Variants in ODAD2 observed in about 807,000 individuals in gnomAD.
The protein encoded by ODAD2 is outer dynein arm docking complex subunit 2.
A neutral mutation model predicts 106.8 loss-of-function variants in ODAD2; 89 were observed. That is an observed-to-expected ratio of 0.83 (90% CI 0.70 to 0.99). ODAD2 has a LOEUF of 0.99. Ranked by LOEUF, ODAD2 falls within the 50% of genes least tolerant of loss-of-function variation. The pLI, the probability that ODAD2 is intolerant of heterozygous loss-of-function variation, is 0.00. For missense variants in ODAD2, 1,168 were observed against 1,238.5 expected (o/e 0.94, Z 0.85); for synonymous variants, 404 against 436.2 (o/e 0.93, Z 0.92).
chr10:27,820,936 C>G (rs954673912), intron 19 of ODAD2, among the ~76,000 whole-genome samples: 1 of 152,030 alleles, frequency 6.6e-6, no homozygotes, highest in African/African-American at 2.4e-5. Context: ...CATGCGCCAC[C>G]ACACCGGCTA....
chr10:27,930,333 G>T lies in ODAD2; in HGVS notation c.2495+4677C>A, dbSNP rs1050171002. Among the ~76,000 whole-genome samples the T allele has an allele frequency of 3.3e-5, 5 of 152,172 alleles. No individual in the cohort carries two copies. In the South Asian group the frequency reaches 1.0e-3, roughly 31 times the overall value. ...TTTGAGGCGGGAGGACTGCTTGAGG[G>T]CAGGAGCTTAAGAACCTGTCTTTAC... On this transcript the variant is annotated intron_variant, in intron 16 of 19. Coordinates refer to ENST00000305242, the MANE Select transcript of ODAD2 (RefSeq NM_018076.5).
At chr10:27,885,529 A>T (rs372131381) in intron 17 of ODAD2, among the ~76,000 whole-genome samples, 3,079 of 15,794 alleles carry the variant, frequency 0.19, 454 homozygotes, top group East Asian at 0.26. Flanking sequence ...AAAAAAAAAA[A>T]AAAAATATAT....
intron 19 of ODAD2, among the ~76,000 whole-genome samples, chr10:27,846,010 C>T (rs9769304): frequency 0.7 from 106,449 of 151,962 alleles, 37,380 homozygotes; most frequent in Middle Eastern, 0.75. Context: ...ATTAGACAGA[C>T]CAATGAGACA....
At chr10:27,909,130 G>A (rs759616361) in intron 16 of ODAD2, among the ~76,000 whole-genome samples, 8 of 151,962 alleles carry the variant, frequency 5.3e-5, no homozygotes, top group South Asian at 2.1e-4. Context: ...TATAACTAAC[G>A]CCAATCTCTG....
chr10:27,850,081 T>C (rs1405809963), intron 19 of ODAD2, among the ~76,000 whole-genome samples: 4 of 152,152 alleles, frequency 2.6e-5, no homozygotes, highest in Non-Finnish European at 5.9e-5. Context: ...ACATCATATA[T>C]TGATGGTGTA....
In ODAD2 at chr10:27,854,586, T is replaced by A. The variant is rs1000340091; in HGVS notation, c.3021+6039A>T. On this transcript the variant is annotated intron_variant, in intron 19 of 19. Transcript: ENST00000305242. ...CTCTGGCCAACATGGCAAAACCCAG[T>A]CTCTACCAAAAATACAAAAATTAGC... is the stretch of plus-strand genomic sequence containing the variant. Among the ~76,000 whole-genome samples the A allele has an allele frequency of 1.4e-4, 21 of 152,120 alleles. No homozygotes were observed. In the East Asian group the frequency reaches 3.5e-3, roughly 25 times the overall value.
intron 19 of ODAD2, among the ~76,000 whole-genome samples, chr10:27,829,315 A>G (rs190983945): frequency 1.1e-4 from 16 of 152,318 alleles, no homozygotes; most frequent in Non-Finnish European, 2.9e-5. Context: ...AAAATAAATG[A>G]CTAATTTCTT....
At chr10:27,818,955 A>C (rs1279803116) in intron 19 of ODAD2, among the ~76,000 whole-genome samples, 1 of 152,192 alleles carries the variant, frequency 6.6e-6, no homozygotes, top group Non-Finnish European at 1.5e-5. Flanking sequence ...TCTCCCAGTC[A>C]CTGGGCACAT....
intron 16 of ODAD2, among the ~76,000 whole-genome samples, chr10:27,928,408 C>T (rs1412571142): frequency 6.6e-6 from 1 of 152,074 alleles, no homozygotes; most frequent in African/African-American, 2.4e-5. Flanking sequence ...GCCACCTTCA[C>T]CTCTCACCTA....
intron 16 of ODAD2, among the ~76,000 whole-genome samples, chr10:27,927,834 G>T (rs2134022585): frequency 6.6e-6 from 1 of 152,096 alleles, no homozygotes; most frequent in Admixed American, 6.5e-5. Flanking sequence ...AAATGATTGA[G>T]TTCAATAAGC....
intron 19 of ODAD2, among the ~76,000 whole-genome samples, chr10:27,829,073 A>C (rs1837283017): frequency 1.3e-5 from 2 of 152,284 alleles, no homozygotes; most frequent in Admixed American, 6.5e-5. Context: ...TAGAACAGAT[A>C]TTATCCAGAA....
chr10:27,910,895 G>A (rs1843963952), intron 16 of ODAD2, among the ~76,000 whole-genome samples: 1 of 152,088 alleles, frequency 6.6e-6, no homozygotes, highest in Non-Finnish European at 1.5e-5. Flanking sequence ...ATATAAAGTG[G>A]GTTCCCGTGA....
chr10:27,888,121 CA>C (rs374280364), intron 17 of ODAD2, among the ~76,000 whole-genome samples: 6 of 152,074 alleles, frequency 3.9e-5, no homozygotes, highest in African/African-American at 1.2e-4. Flanking sequence ...CTGTGATAAA[CA>C]TACAAGTACA....
intron 19 of ODAD2, among the ~76,000 whole-genome samples, chr10:27,844,197 A>G (rs574030020): frequency 5.3e-5 from 8 of 152,268 alleles, no homozygotes; most frequent in Non-Finnish European, 7.4e-5. Flanking sequence ...CCTGTCTCAA[A>G]CCAAAAAAAA....
At chr10:27,835,055 G>A (rs1304099260) in intron 19 of ODAD2, among the ~76,000 whole-genome samples, 3 of 152,170 alleles carry the variant, frequency 2.0e-5, no homozygotes, top group African/African-American at 2.4e-5. Flanking sequence ...CAGCACATCC[G>A]TACTTGTAGA....
chr10:27,987,182 A>G (rs1201766575), intron 3 of ODAD2, among the ~76,000 whole-genome samples: 2 of 152,270 alleles, frequency 1.3e-5, no homozygotes, highest in Non-Finnish European at 2.9e-5. Flanking sequence ...TTTTCATTTT[A>G]AAGCAGAAAT....
At chr10:27,943,824 A>AAAAAAG (rs1223635686) in intron 12 of ODAD2, among the ~76,000 whole-genome samples, 2 of 145,440 alleles carry the variant, frequency 1.4e-5, no homozygotes, top group East Asian at 4.1e-4. Context: ...AAAAAAAAAA[A>AAAAAAG]AAAAAGGCAT....
chr10:27,864,493 G>A (rs1446904424), intron 17 of ODAD2, among the ~76,000 whole-genome samples: 1 of 150,342 alleles, frequency 6.7e-6, no homozygotes, highest in Non-Finnish European at 1.5e-5. Flanking sequence ...AGAGAGTGAG[G>A]AGTGAAGTGA....
Position 27,896,039 on chromosome 10 carries a change from C to T in ODAD2, c.2610+11624G>A, listed in dbSNP as rs58751538. On this transcript the variant is annotated intron_variant, in intron 17 of 19. Transcript: ENST00000305242. ...AAATTTCCCTCTCTCTCATTTCAAG[C>T]GTTCACTAGACAAGTGTCTTCAACA... Among the ~76,000 whole-genome samples the T allele has an allele frequency of 7.0e-3, 1,069 of 152,272 alleles. 16 individuals are homozygous for T. The highest frequency in any genetic ancestry group is 0.025 in the African/African-American group (1,021 of 41,554).
Sources: gnomAD v4.1 joint callset for allele counts (sites outside exome capture counted in the v4.1 genomes callset) on GRCh38, gnomAD v4.1.1 for gene constraint, MANE v1.5 for transcripts, NCBI Gene and HGNC (gene_info 2026-07-23, HGNC 2026-07-21) for gene names.